The following GRM8 variants were observed in gnomAD, a reference collection of about 807,000 sequenced individuals.
GRM8 encodes metabotropic glutamate receptor 8.
Under a neutral mutation model 87.2 loss-of-function variants are expected in GRM8, and 47 were observed. The ratio of observed to expected loss-of-function variants is 0.54; its 90% CI spans 0.43 to 0.69. GRM8 has a LOEUF of 0.69. GRM8 is among the 30% of genes least tolerant of loss of function. The pLI is 0.00. For missense variants in GRM8, 1,019 were observed against 1,139.2 expected (o/e 0.89, Z 1.52); for synonymous variants, 396 against 404.5 (o/e 0.98, Z 0.25).
At chr7:127,099,147 T>C (rs1824976228) in intron 3 of GRM8, among the ~76,000 whole-genome samples, 1 of 152,206 alleles carries the variant, frequency 6.6e-6, no homozygotes, top group Admixed American at 6.5e-5. Flanking sequence ...CCAGAGCTTA[T>C]GATGGAAAAG....
chr7:127,212,067 A>T (rs1443747680), intron 2 of GRM8, among the ~76,000 whole-genome samples: 1 of 152,220 alleles, frequency 6.6e-6, no homozygotes, highest in Non-Finnish European at 1.5e-5. Flanking sequence ...GATCTCCCTT[A>T]CATAATAGTC....
At chr7:127,194,556 T>C (rs762202666) in intron 2 of GRM8, among the ~76,000 whole-genome samples, 27 of 152,148 alleles carry the variant, frequency 1.8e-4, no homozygotes, top group Non-Finnish European at 3.8e-4. Flanking sequence ...CTAGGGCATA[T>C]CTGTTCAAGC....
chr7:126,487,165 C>A (rs990079822), intron 9 of GRM8, among the ~76,000 whole-genome samples: 1 of 151,282 alleles, frequency 6.6e-6, no homozygotes, highest in African/African-American at 2.4e-5. Flanking sequence ...TTGCAAATAT[C>A]TTTAGTTAGT....
intron 6 of GRM8, among the ~76,000 whole-genome samples, chr7:126,775,064 C>A (rs1437822172): frequency 6.6e-6 from 1 of 152,106 alleles, no homozygotes; most frequent in Non-Finnish European, 1.5e-5. Context: ...TTTCTTACAA[C>A]CATCTCAGCT....
chr7:127,235,923 G>GT (rs1797958413), intron 2 of GRM8, among the ~76,000 whole-genome samples: 1 of 152,210 alleles, frequency 6.6e-6, no homozygotes, highest in Admixed American at 6.5e-5. Flanking sequence ...ATGTGTGCAT[G>GT]TGTTATTAAC....
chr7:126,896,400 A>T (rs1229956681), intron 6 of GRM8, among the ~76,000 whole-genome samples: 6 of 152,024 alleles, frequency 3.9e-5, no homozygotes, highest in African/African-American at 9.7e-5. Context: ...GGGATGGCAG[A>T]ACGCATTTTA....
At chr7:126,975,504 A>T (rs1810898496) in intron 3 of GRM8, among the ~76,000 whole-genome samples, 1 of 152,190 alleles carries the variant, frequency 6.6e-6, no homozygotes, top group Non-Finnish European at 1.5e-5. Flanking sequence ...AAGAAAGTAG[A>T]TTTTGTATAA....
At chr7:126,473,759 C>T (rs991565259) in intron 9 of GRM8, among the ~76,000 whole-genome samples, 2 of 152,002 alleles carry the variant, frequency 1.3e-5, no homozygotes, top group African/African-American at 2.4e-5. Flanking sequence ...TGGGAGGGAC[C>T]CATTTGGAGG....
At chr7:127,236,560 C>T (rs752582797) in intron 2 of GRM8, among the ~76,000 whole-genome samples, 5 of 152,120 alleles carry the variant, frequency 3.3e-5, no homozygotes, top group South Asian at 2.1e-4. Flanking sequence ...CTCACTATCA[C>T]GAGAACAGCA....
chr7:126,515,428 T>C (rs188187224), intron 9 of GRM8, among the ~76,000 whole-genome samples: 10 of 152,228 alleles, frequency 6.6e-5, no homozygotes, highest in African/African-American at 2.4e-4. Flanking sequence ...TCTAAATCAA[T>C]AATGTACACA....
intron 2 of GRM8, among the ~76,000 whole-genome samples, chr7:127,138,164 G>T (rs905432598): frequency 2.6e-5 from 4 of 152,156 alleles, no homozygotes; most frequent in African/African-American, 9.7e-5. Flanking sequence ...TAACGGTTCA[G>T]TGCAGAGCTG....
At chr7:127,085,661 T>A (rs1198511669) in intron 3 of GRM8, among the ~76,000 whole-genome samples, 2 of 152,152 alleles carry the variant, frequency 1.3e-5, no homozygotes, top group Non-Finnish European at 2.9e-5. Flanking sequence ...GGGGTTGTTT[T>A]TTCTTGTAAA....
At chr7:127,201,943 A>T (rs891474018) in intron 2 of GRM8, among the ~76,000 whole-genome samples, 1 of 152,144 alleles carries the variant, frequency 6.6e-6, no homozygotes, top group Non-Finnish European at 1.5e-5. Context: ...TGTTAAGGAT[A>T]CTCTACCCAC....
At chr7:127,171,140 T>C (rs1448524710) in intron 2 of GRM8, among the ~76,000 whole-genome samples, 1 of 152,082 alleles carries the variant, frequency 6.6e-6, no homozygotes, top group East Asian at 1.9e-4. Flanking sequence ...GTGATGCAAA[T>C]AGCAAGAGAA....
intron 6 of GRM8, among the ~76,000 whole-genome samples, chr7:126,787,870 G>T (rs774875223): frequency 6.6e-6 from 1 of 151,840 alleles, no homozygotes; most frequent in Non-Finnish European, 1.5e-5. Flanking sequence ...GTAATTTTTA[G>T]TTAATTTCAC....
At chr7:126,650,876 G>T (rs960739488) in intron 7 of GRM8, among the ~76,000 whole-genome samples, 2 of 152,024 alleles carry the variant, frequency 1.3e-5, no homozygotes, top group African/African-American at 2.4e-5. Flanking sequence ...TGGAGGTTAC[G>T]CATGGGCTCA....
intron 7 of GRM8, among the ~76,000 whole-genome samples, chr7:126,668,588 C>T (rs1322703111): frequency 1.3e-5 from 2 of 152,156 alleles, no homozygotes; most frequent in African/African-American, 4.8e-5. Flanking sequence ...CTGGCTGGTT[C>T]GCAGCCAGGC....
intron 6 of GRM8, among the ~76,000 whole-genome samples, chr7:126,801,742 T>C (rs1281835573): frequency 2.6e-5 from 4 of 151,986 alleles, no homozygotes; most frequent in African/African-American, 7.3e-5. Flanking sequence ...TCCCCTCTCA[T>C]AGTAAGAAGG....
At chr7:126,582,423 C>A (rs940732280) in intron 8 of GRM8, among the ~76,000 whole-genome samples, 1 of 152,144 alleles carries the variant, frequency 6.6e-6, no homozygotes, top group Non-Finnish European at 1.5e-5. Context: ...AGGAACAAAG[C>A]AACCTCTATA....
Sources: gnomAD v4.1 joint callset for allele counts (sites outside exome capture counted in the v4.1 genomes callset) on GRCh38, gnomAD v4.1.1 for gene constraint, MANE v1.5 for transcripts, NCBI Gene and HGNC (gene_info 2026-07-23, HGNC 2026-07-21) for gene names.